STRA8: variants seen among roughly 807,000 people sequenced by gnomAD.
STRA8 encodes the protein stimulated by retinoic acid gene 8 protein homolog.
Under a neutral mutation model 37.1 loss-of-function variants are expected in STRA8, and 18 were observed. The ratio of observed to expected loss-of-function variants is 0.48; its 90% CI spans 0.34 to 0.72. The LOEUF is 0.72. Among genes scored for constraint, STRA8 ranks in the 30% least tolerant of loss-of-function variants. The pLI is 0.01. For missense variants in STRA8, 357 were observed against 410.4 expected, an observed-to-expected ratio of 0.87 and a Z score of 1.13; for synonymous variants, 168 against 162.9, an observed-to-expected ratio of 1.03 and a Z score of -0.24.
intron 8 of STRA8, among the ~76,000 whole-genome samples, chr7:135,255,676 C>T (rs2129480071): frequency 6.6e-6 from 1 of 152,302 alleles, no homozygotes; most frequent in African/African-American, 2.4e-5. Flanking sequence ...CTGACTAATG[C>T]CTGATGATCT....
In STRA8 at chr7:135,255,233, G is replaced by A; in HGVS notation, c.1065+8G>A. On this transcript the variant is annotated splice_region_variant and intron_variant, in intron 8 of 8. Transcript: ENST00000662584. ...AACACTCAAGTAAAGCAGGTAGGATGGAGTAGAGGGCCGTGGTACCTCTGC... is the reference window on the plus strand; with the variant it reads ...AACACTCAAGTAAAGCAGGTAGGATAGAGTAGAGGGCCGTGGTACCTCTGC... The A allele has an allele frequency of 6.2e-7, 1 of 1,606,076 alleles. No individual in the cohort carries two copies. Among genetic ancestry groups the A allele is most frequent in the South Asian group, 1.1e-5 (1 of 90,824 alleles).
intron 2 of STRA8, among the ~76,000 whole-genome samples, chr7:135,240,950 A>T (rs190210687): frequency 1.3e-3 from 195 of 152,254 alleles, no homozygotes; most frequent in African/African-American, 4.5e-3. Flanking sequence ...TGGTGAGGGC[A>T]TGCTCTCTGG....
intron 7 of STRA8, among the ~76,000 whole-genome samples, chr7:135,254,201 C>G (rs540185194): frequency 1.3e-5 from 2 of 152,204 alleles, no homozygotes; most frequent in Non-Finnish European, 2.9e-5. Context: ...AGACAACCAT[C>G]GAGAAGCTGC....
chr7:135,239,096 C>T (rs2117789116), intron 1 of STRA8, among the ~76,000 whole-genome samples: 1 of 152,382 alleles, frequency 6.6e-6, no homozygotes, highest in East Asian at 1.9e-4. Context: ...AGTGTTTCAA[C>T]ATCCCACACT....
chr7:135,249,933 A>G (rs1056164118), intron 6 of STRA8, among the ~76,000 whole-genome samples: 3 of 152,242 alleles, frequency 2.0e-5, no homozygotes, highest in African/African-American at 7.2e-5. Flanking sequence ...GGCCAGAAGC[A>G]GGGCTCTGCC....
At chr7:135,234,097 G>GATTATTATT (rs1360906482) in intron 1 of STRA8, among the ~76,000 whole-genome samples, 194 bp downstream of exon 1, 46 of 146,762 alleles carry the variant, frequency 3.1e-4, no homozygotes, top group African/African-American at 1.2e-3. Context: ...TGATGATGAT[G>GATTATTATT]ATGATGATTA....
At chr7:135,250,569 C>A (rs939169768) in intron 6 of STRA8, among the ~76,000 whole-genome samples, 2 of 152,168 alleles carry the variant, frequency 1.3e-5, no homozygotes, top group African/African-American at 4.8e-5. Flanking sequence ...AAAGGGCAGA[C>A]ACCAATCCTC....
At chr7:135,251,234 A>G (rs555797905) in intron 6 of STRA8, among the ~76,000 whole-genome samples, 2 of 152,332 alleles carry the variant, frequency 1.3e-5, no homozygotes, top group East Asian at 3.9e-4. Flanking sequence ...GAATAGCCCT[A>G]TGAGTAGACA....
intron 7 of STRA8, 62 bp downstream of exon 7, chr7:135,251,931 C>T (rs753843130): frequency 8.8e-5 from 132 of 1,504,162 alleles, no homozygotes; most frequent in Admixed American, 3.3e-4. Flanking sequence ...ATTGTGTGTG[C>T]GCAGGTGTGT....
chr7:135,253,162 T>C (rs1162528952), intron 7 of STRA8, among the ~76,000 whole-genome samples: 8 of 152,186 alleles, frequency 5.3e-5, no homozygotes, highest in Admixed American at 4.6e-4. Flanking sequence ...CTCGAACCCC[T>C]GACCTCAGAT....
chr7:135,245,763 A>G (rs1039655470), intron 5 of STRA8, among the ~76,000 whole-genome samples: 2 of 152,020 alleles, frequency 1.3e-5, no homozygotes, highest in African/African-American at 2.4e-5. Context: ...TAGCACATAC[A>G]CTCATACAGT....
intron 8 of STRA8, among the ~76,000 whole-genome samples, chr7:135,257,569 C>T (rs183004891): frequency 5.4e-4 from 82 of 152,102 alleles, no homozygotes; most frequent in Non-Finnish European, 9.0e-4. Flanking sequence ...GGATTACAGG[C>T]GCACACCACC....
rs919270305 is a variant in STRA8 at position 135,245,240 on chromosome 7, A to G, written c.354-48A>G. The G allele has an allele frequency of 1.0e-5, 8 of 780,278 alleles. No individual in the cohort carries two copies. The East Asian group carries it at 1.9e-4, about 19-fold the overall frequency. 48.3% of individuals were successfully genotyped at this position (780,278 alleles called of 1,614,324 possible). A position where few individuals can be genotyped will look rare whatever the true frequency, so the allele number is the denominator to read the frequency against. The stretch of plus-strand genomic sequence containing the variant: ...TGCTAAGAATTTCTTGTCCATGTTC[A>G]TGAGGGATATTAATCTATAGTTGTC... On this transcript the variant is annotated intron_variant, in intron 4 of 8. Coordinates refer to ENST00000662584, the MANE Select transcript of STRA8 (RefSeq NM_001394401.1).
At chr7:135,235,974 C>T (rs920397862) in intron 1 of STRA8, among the ~76,000 whole-genome samples, 3 of 151,722 alleles carry the variant, frequency 2.0e-5, no homozygotes, top group Admixed American at 1.3e-4. Context: ...CAGTGGTGCA[C>T]GTCTGTAGTC....
chr7:135,252,011 AGAGTGTGTGTGTGT>A (rs1832643187), intron 7 of STRA8, 142 bp downstream of exon 7: 2 of 647,234 alleles, frequency 3.1e-6, no homozygotes, highest in African/African-American at 5.7e-5. Flanking sequence ...GGAGAGAGAG[AGAGTGTGTGTGTGT>A]GTGTGTGTGT....
Position 135,250,857 on chromosome 7 carries a change from C to T in STRA8, c.880-939C>T, listed in dbSNP as rs1458545229. Among the ~76,000 whole-genome samples, 5 of 152,314 alleles carry T rather than the reference C, an allele frequency of 3.3e-5. No individual in the cohort carries two copies. The East Asian group carries it at 9.6e-4, about 29-fold the overall frequency. ...CATCCCGTATTTGTATTTGCTAAAT[C>T]TGGCAGTCATGTAAGTGTAAATCAT... is the stretch of plus-strand genomic sequence containing the variant. On this transcript the variant is annotated intron_variant, in intron 6 of 8. Transcript: ENST00000662584.
chr7:135,233,609 G>A (rs1832323459), upstream of STRA8, among the ~76,000 whole-genome samples: 1 of 151,858 alleles, frequency 6.6e-6, no homozygotes, highest in African/African-American at 2.4e-5. Flanking sequence ...CTGACCCCTC[G>A]CGACCCTGCG....
chr7:135,237,385 C>A (rs1832392963), intron 1 of STRA8, among the ~76,000 whole-genome samples: 1 of 152,166 alleles, frequency 6.6e-6, no homozygotes, highest in African/African-American at 2.4e-5. Flanking sequence ...CAGATCACTT[C>A]TTGATCTCAT....
In STRA8 at chr7:135,245,297, A is replaced by T; in HGVS notation, c.363A>T (p.Ser121=). 1 of 780,952 alleles carries T rather than the reference A, an allele frequency of 1.3e-6. No individual in the cohort carries two copies. Among genetic ancestry groups the T allele is most frequent in the East Asian group, 2.4e-5 (1 of 41,248 alleles). 48.4% of individuals were successfully genotyped at this position (780,952 alleles called of 1,614,324 possible). ...CTGTTTTCTTTCCCAGCCTGCTTTC[A>T]AACAGTTTTCCTCAGAATGGTTCCT... ...SMYSGNDSLL[S]NSFPQNGSSP... is the part of the protein sequence containing the mutation. Residue 121 remains serine, a synonymous_variant, in exon 5 of 9, where the codon TCA becomes TCT. Coordinates refer to ENST00000662584, the MANE Select transcript of STRA8 (RefSeq NM_001394401.1).
Sources: allele counts gnomAD v4.1 joint callset (sites outside exome capture counted in the v4.1 genomes callset), GRCh38; gene constraint gnomAD v4.1.1; transcripts MANE v1.5; gene names NCBI Gene and HGNC (gene_info 2026-07-23, HGNC 2026-07-21).